C2CD5: variants seen among roughly 807,000 people sequenced by gnomAD.
C2CD5 encodes C2 domain-containing protein 5.
C2CD5 carries 109 observed loss-of-function variants against 130.3 expected under a neutral mutation model. That is an observed-to-expected ratio of 0.84 (90% CI 0.72 to 0.98). The LOEUF (loss-of-function observed/expected upper bound fraction) is 0.98, where lower values mean the gene tolerates loss of function less well. C2CD5 is among the 50% of genes least tolerant of loss of function. The probability of loss-of-function intolerance (pLI) is 0.00; values close to 1 mark genes in which losing one functional copy is unlikely to be tolerated. For missense variants in C2CD5, 996 were observed against 1,261.8 expected (o/e 0.79, Z 3.19); for synonymous variants, 454 against 429.2 (o/e 1.06, Z -0.71).
At chr12:22,519,280 T>C in intron 7 of C2CD5, 2 of 1,507,088 alleles carry the variant, frequency 1.3e-6, no homozygotes, top group South Asian at 1.2e-5. Flanking sequence ...AAGAAAACAA[T>C]ACATACAACA....
At chr12:22,451,566 G>A (rs959926391) in intron 26 of C2CD5, among the ~76,000 whole-genome samples, 1 of 151,998 alleles carries the variant, frequency 6.6e-6, no homozygotes, top group Non-Finnish European at 1.5e-5. Context: ...GACTGGTGGT[G>A]GAAAATCTGG....
intron 10 of C2CD5, chr12:22,502,638 A>C (rs577054293): frequency 1.7e-5 from 11 of 630,322 alleles, no homozygotes; most frequent in Non-Finnish European, 3.1e-5. Context: ...TGTATAACTG[A>C]ATTGACCTTA....
chr12:22,478,466 A>G lies in C2CD5; in HGVS notation c.1749T>C (p.Gly583=), dbSNP rs373663653. 5 of 1,613,054 alleles carry G rather than the reference A, an allele frequency of 3.1e-6. No homozygotes were observed. The African/African-American group carries it at 6.7e-5, about 22-fold the overall frequency. The part of the protein sequence containing the change: ...NMLMGLASAT[G]VYLAALPTPG... ...GAGTTGGTAAAGCTGCTAAATACAC[A>G]CCTGTGGCAGACTTGTAAAAAATAA... Residue 583 remains glycine (G), a synonymous_variant, in exon 15 of 27, where the codon GGT becomes GGC. Coordinates refer to ENST00000446597, the MANE Select transcript of C2CD5 (RefSeq NM_001286176.2).
chr12:22,508,604 G>T (rs1040552712), intron 9 of C2CD5, among the ~76,000 whole-genome samples: 1 of 152,084 alleles, frequency 6.6e-6, no homozygotes, highest in Admixed American at 6.6e-5. Flanking sequence ...CAGCACACAC[G>T]GGGTAATTAC....
chr12:22,469,834 C>T (rs1565667861), intron 21 of C2CD5, 39 bp from the exon 22 acceptor site: 2 of 1,227,984 alleles, frequency 1.6e-6, no homozygotes, highest in African/African-American at 1.6e-5. Flanking sequence ...TAGTAATGAT[C>T]TATTATTAAT....
At chr12:22,480,442 A>G (rs1944548115) in intron 14 of C2CD5, among the ~76,000 whole-genome samples, 1 of 152,228 alleles carries the variant, frequency 6.6e-6, no homozygotes, top group Non-Finnish European at 1.5e-5. Context: ...ACTATAACAA[A>G]GCACAAAGAT....
intron 10 of C2CD5, among the ~76,000 whole-genome samples, chr12:22,499,510 C>G (rs553677504): frequency 6.6e-5 from 10 of 152,146 alleles, no homozygotes; most frequent in Non-Finnish European, 1.5e-5. Context: ...TAAAAGAGTA[C>G]GTGGCATGTA....
intron 22 of C2CD5, among the ~76,000 whole-genome samples, chr12:22,467,328 T>G (rs757805489): frequency 3.3e-5 from 5 of 151,982 alleles, no homozygotes; most frequent in South Asian, 2.1e-4. Context: ...CCACCATGCA[T>G]GACTAATTTT....
chr12:22,503,254 T>C (rs1948039393), intron 10 of C2CD5, among the ~76,000 whole-genome samples: 1 of 152,174 alleles, frequency 6.6e-6, no homozygotes, highest in Admixed American at 6.5e-5. Context: ...ACACAACATT[T>C]TTAACATTAG....
In C2CD5 at chr12:22,478,293, T is replaced by C. The variant is rs1271039558; in HGVS notation, c.1902+20A>G. On this transcript the variant is annotated intron_variant, in intron 15 of 26. Coordinates refer to ENST00000446597, the MANE Select transcript of C2CD5 (RefSeq NM_001286176.2). ...TAAACAATAACTGATACATTCACAA[T>C]GTAGGTTTGTTTTACTTACTGGAGG... is the stretch of plus-strand genomic sequence containing the variant. The C allele has an allele frequency of 1.9e-6, 3 of 1,577,896 alleles. No homozygotes were observed. The highest frequency in any genetic ancestry group is 1.7e-5 in the Admixed American group (1 of 59,904).
intron 3 of C2CD5, among the ~76,000 whole-genome samples, chr12:22,530,055 C>T (rs1951073748): frequency 8.2e-6 from 1 of 122,524 alleles, no homozygotes; most frequent in South Asian, 2.9e-4. Context: ...ATCTATTTTG[C>T]TTAAGACATG....
chr12:22,496,795 C>T (rs1359617510), intron 10 of C2CD5, among the ~76,000 whole-genome samples: 1 of 151,646 alleles, frequency 6.6e-6, no homozygotes, highest in Non-Finnish European at 1.5e-5. Flanking sequence ...TTAATATATC[C>T]TTTTAATTGC....
intron 14 of C2CD5, among the ~76,000 whole-genome samples, chr12:22,480,961 C>T (rs975238192): frequency 4.6e-5 from 7 of 152,050 alleles, no homozygotes; most frequent in East Asian, 1.9e-4. Context: ...CAAGCAGCCA[C>T]GCCTGGGTAA....
At chr12:22,465,265 TA>T (rs572070861) in intron 22 of C2CD5, among the ~76,000 whole-genome samples, 1 of 150,852 alleles carries the variant, frequency 6.6e-6, no homozygotes, top group African/African-American at 2.4e-5. Context: ...AGGTGGGTAT[TA>T]AAAAAAAAGA....
chr12:22,521,342 C>A (rs930614653), intron 7 of C2CD5, among the ~76,000 whole-genome samples: 10 of 152,110 alleles, frequency 6.6e-5, no homozygotes, highest in African/African-American at 2.4e-4. Context: ...GAGGCTACAA[C>A]AAGATTAGAA....
chr12:22,529,183 T>C (rs1268252015), intron 3 of C2CD5, among the ~76,000 whole-genome samples: 1 of 152,212 alleles, frequency 6.6e-6, no homozygotes, highest in Non-Finnish European at 1.5e-5. Flanking sequence ...TGTGCATGCT[T>C]GAAATTTTCC....
intron 8 of C2CD5, among the ~76,000 whole-genome samples, chr12:22,516,788 C>T (rs1949763862): frequency 6.6e-6 from 1 of 151,440 alleles, no homozygotes; most frequent in Non-Finnish European, 1.5e-5. Context: ...ATTTTAAGGC[C>T]AGAGCCTCTT....
At position 22,529,382 on chromosome 12, in the gene C2CD5, C is replaced by T. The variant is rs138490072; in HGVS notation, c.178-1490G>A. Among the ~76,000 whole-genome samples the T allele has an allele frequency of 2.2e-4, 34 of 152,272 alleles. 1 individual carries two copies. In the East Asian group the frequency reaches 2.5e-3, roughly 11 times the overall value. On this transcript the variant is annotated intron_variant, in intron 3 of 26. Transcript: ENST00000446597. ...AATTTCTAACTCCATTAAAAATACT[C>T]TCTGTATATACTTATTTAACCACCT...
chr12:22,478,297 G>A lies in C2CD5; in HGVS notation c.1902+16C>T, dbSNP rs1393493596. 6.3e-7 allele frequency: 1 copy of A among 1,582,790 alleles called. No homozygotes were observed. Among genetic ancestry groups the A allele is most frequent in the Non-Finnish European group, 8.7e-7 (1 of 1,152,182 alleles). ...CAATAACTGATACATTCACAATGTA[G>A]GTTTGTTTTACTTACTGGAGGATTG... On this transcript the variant is annotated intron_variant, in intron 15 of 26. Transcript: ENST00000446597.
Sources: gnomAD v4.1 joint callset for allele counts (sites outside exome capture counted in the v4.1 genomes callset) on GRCh38, gnomAD v4.1.1 for gene constraint, MANE v1.5 for transcripts, NCBI Gene and HGNC (gene_info 2026-07-23, HGNC 2026-07-21) for gene names.